The following TRIM6 variants were observed in gnomAD, a reference collection of about 807,000 sequenced individuals.
TRIM6 encodes tripartite motif containing 6.
In TRIM6, 43 loss-of-function variants were observed where a neutral mutation model predicts 51.2. The observed-to-expected ratio is 0.84, with a 90% confidence interval of 0.66 to 1.08. TRIM6 has a LOEUF of 1.08. TRIM6 is among the 50% of genes least tolerant of loss of function. The pLI is 0.00. For synonymous variants in TRIM6, 215 were observed against 232.4 expected (o/e 0.93, Z 0.68); for missense variants, 669 against 619.0 (o/e 1.08, Z -0.86).
rs1264772578 is a variant in TRIM6 at position 5,610,539 on chromosome 11, G to A, written c.963G>A (p.Leu321=). The A allele has an allele frequency of 1.2e-6, 2 of 1,613,858 alleles. No individual in the cohort carries two copies. The highest frequency in any genetic ancestry group is 1.7e-5 in the Admixed American group (1 of 59,984). ...TGACTCTTTTCATCATTACAGAGCTGACAGATGTCCAAAGCTACTGGGGTA... is the reference window on the plus strand; with the variant it reads ...TGACTCTTTTCATCATTACAGAGCTAACAGATGTCCAAAGCTACTGGGGTA... The part of the protein sequence containing the change: ...LKRMLRVCRE[L]TDVQSYWVDV... The change falls in exon 7 of 8, where the codon CTG becomes CTA. Residue 321 remains leucine (L), a synonymous_variant. Transcript: ENST00000380097.
intron 4 of TRIM6, among the ~76,000 whole-genome samples, chr11:5,606,573 T>G (rs973258452): frequency 2.6e-5 from 4 of 152,224 alleles, no homozygotes; most frequent in Non-Finnish European, 5.9e-5. Context: ...ACTTTCTGCC[T>G]GTTACAGCTT....
chr11:5,596,977 G>A lies in TRIM6; in HGVS notation c.17+63G>A, dbSNP rs1328651950. On this transcript the variant is annotated intron_variant, in intron 1 of 7. Coordinates refer to ENST00000380097, the MANE Select transcript of TRIM6 (RefSeq NM_001003818.3). ...CTTCTGGCAGAGGTGACAGGGCAGT[G>A]AAAGAGATAAGGTCCTTTCCCTTTC... is the stretch of plus-strand genomic sequence containing the variant. The A allele has an allele frequency of 2.5e-6, 4 of 1,613,262 alleles. No homozygotes were observed. In the South Asian group the frequency reaches 4.4e-5, roughly 18 times the overall value.
At chr11:5,600,524 C>T (rs1341277808) in intron 1 of TRIM6, among the ~76,000 whole-genome samples, 1 of 152,126 alleles carries the variant, frequency 6.6e-6, no homozygotes, top group Non-Finnish European at 1.5e-5. Flanking sequence ...CTTATGCTTA[C>T]ATCCCATGAC....
At chr11:5,605,637 G>A in intron 4 of TRIM6, 70 bp downstream of exon 4, 1 of 1,501,494 alleles carries the variant, frequency 6.7e-7, no homozygotes, top group Admixed American at 2.4e-5. Flanking sequence ...TCCTTTCTGG[G>A]ACATCAGACT....
chr11:5,609,916 C>T (rs1396782048), intron 5 of TRIM6, among the ~76,000 whole-genome samples: 3 of 151,036 alleles, frequency 2.0e-5, no homozygotes, highest in African/African-American at 7.3e-5. Context: ...GAGCGAGACT[C>T]CTTCTCAAAA....
rs1369184100 is a variant in TRIM6, at chr11:5,610,763, AC to A, written c.986-12del. 6.2e-7 allele frequency: 1 copy of A among 1,612,940 alleles called. No individual in the cohort carries two copies. The highest frequency in any genetic ancestry group is 1.7e-5 in the Admixed American group (1 of 59,966). On this transcript the variant is annotated splice_polypyrimidine_tract_variant and intron_variant, in intron 7 of 7. Transcript: ENST00000380097. Reference sequence around the variant, plus strand: ...CCCCGTTCTCATCTGCTGATGTTGTACCTTTTCCTACAGTTGACGTGACCCT... The same window carrying A: ...CCCCGTTCTCATCTGCTGATGTTGTACTTTTCCTACAGTTGACGTGACCCT...
chr11:5,596,543 TC>T (rs1554908489), upstream of TRIM6: 1 of 24,650 alleles, frequency 4.1e-5, no homozygotes, highest in Non-Finnish European at 7.4e-5. Context: ...CCTTCCCCCT[TC>T]CCCCTTCCCC....
Position 5,605,461 on chromosome 11 carries a change from T to G in TRIM6, c.728T>G (p.Ile243Ser). The change falls in exon 4 of 8, where the codon ATT becomes AGT. Residue 243 changes from isoleucine to serine, a missense_variant. Physicochemically the swap from Ile to Ser is moderately radical, Grantham distance 142. Transcript: ENST00000380097. ...LEQEEKKGLR[I>S]IEEAENDLVH... ...CAGGAAGAGAAGAAGGGGCTACGAA[T>G]TATAGAAGAGGCTGAGAATGATCTG... is the stretch of plus-strand genomic sequence containing the variant. The G allele has an allele frequency of 6.2e-7, 1 of 1,614,178 alleles. No homozygotes were observed. Among genetic ancestry groups the G allele is most frequent in the Non-Finnish European group, 8.5e-7 (1 of 1,180,042 alleles).
At chr11:5,609,471 C>A (rs1231807542) in intron 5 of TRIM6, among the ~76,000 whole-genome samples, 3 of 152,296 alleles carry the variant, frequency 2.0e-5, no homozygotes, top group South Asian at 2.1e-4. Flanking sequence ...ACATCTTCAA[C>A]CCCTCTGATT....
At chr11:5,604,162 TTGTG>T (rs551033017) in intron 2 of TRIM6, among the ~76,000 whole-genome samples, 2,383 of 150,366 alleles carry the variant, frequency 0.016, 29 homozygotes, top group Non-Finnish European at 0.023. Context: ...GCCCAGCTAA[TTGTG>T]TGTGTGTGTG....
In TRIM6 at chr11:5,603,639, G is replaced by A; in HGVS notation, c.411G>A (p.Gln137=). 1 of 1,613,676 alleles carries A rather than the reference G, an allele frequency of 6.2e-7. No homozygotes were observed. Among genetic ancestry groups the A allele is most frequent in the Non-Finnish European group, 8.5e-7 (1 of 1,179,984 alleles). ...GAGAAAAACTGCAGCTCTTCTGTCA[G>A]GAGGATGGGAAGGTCATTTGCTGGC... The part of the protein sequence containing the change: ...DHGEKLQLFC[Q]EDGKVICWLC... The change falls in exon 2 of 8, where the codon CAG becomes CAA. Residue 137 remains glutamine, a synonymous_variant. Transcript: ENST00000380097.
intron 1 of TRIM6, among the ~76,000 whole-genome samples, chr11:5,601,031 C>G (rs190640112): frequency 1.3e-5 from 2 of 152,254 alleles, no homozygotes. Context: ...CAATAAAGGT[C>G]ATATTTCTCA....
At chr11:5,599,528 C>T (rs984786039) in intron 1 of TRIM6, among the ~76,000 whole-genome samples, 18 of 152,028 alleles carry the variant, frequency 1.2e-4, no homozygotes, top group African/African-American at 3.9e-4. Context: ...CTCAGCCTCC[C>T]GAGTAGCTGG....
At chr11:5,610,044 G>A (rs1270606556) in intron 5 of TRIM6, 101 bp from the exon 6 acceptor site, 4 of 1,219,450 alleles carry the variant, frequency 3.3e-6, no homozygotes. Context: ...ATTCAGAAAG[G>A]AGGATTGGAA....
chr11:5,598,702 G>T (rs756035), intron 1 of TRIM6, among the ~76,000 whole-genome samples: 96,628 of 152,104 alleles, frequency 0.64, 30,901 homozygotes, highest in Middle Eastern at 0.78. Flanking sequence ...AAATGCTCAA[G>T]AGCCATATCT....
At chr11:5,610,623 C>G in intron 7 of TRIM6, 62 bp downstream of exon 7, 5 of 1,586,604 alleles carry the variant, frequency 3.2e-6, no homozygotes, top group Non-Finnish European at 4.3e-6. Flanking sequence ...CATGCCCTCC[C>G]CAGACATAGC....
intron 1 of TRIM6, among the ~76,000 whole-genome samples, chr11:5,601,573 C>T (rs1191958227): frequency 2.0e-5 from 3 of 152,116 alleles, no homozygotes; most frequent in Non-Finnish European, 4.4e-5. Flanking sequence ...GCCTGGCCAA[C>T]ATGGTAAAAC....
chr11:5,603,857 C>T (rs112297161), intron 2 of TRIM6, 122 bp downstream of exon 2: 8 of 1,449,778 alleles, frequency 5.5e-6, no homozygotes, highest in African/African-American at 4.3e-5. Context: ...AACCTGGAAA[C>T]TGCCTCCCTG....
At chr11:5,600,182 C>G (rs1179172477) in intron 1 of TRIM6, among the ~76,000 whole-genome samples, 1 of 152,110 alleles carries the variant, frequency 6.6e-6, no homozygotes, top group Non-Finnish European at 1.5e-5. Context: ...AATAAGAGCT[C>G]CAGCTCTGCA....
Sources: allele counts gnomAD v4.1 joint callset (sites outside exome capture counted in the v4.1 genomes callset), GRCh38; gene constraint gnomAD v4.1.1; transcripts MANE v1.5; gene names NCBI Gene and HGNC (gene_info 2026-07-23, HGNC 2026-07-21).